Variants in TACC2 observed in about 807,000 individuals in gnomAD.
The protein encoded by TACC2 is transforming acidic coiled-coil-containing protein 2.
A neutral mutation model predicts 227.3 loss-of-function variants in TACC2; 137 were observed. The ratio of observed to expected loss-of-function variants is 0.60; its 90% confidence interval spans 0.52 to 0.69. The LOEUF (loss-of-function observed/expected upper bound fraction) is 0.69, where lower values mean the gene tolerates loss of function less well. Ranked by LOEUF, TACC2 falls within the 30% of genes least tolerant of loss-of-function variation. The probability of loss-of-function intolerance (pLI) is 0.00; values close to 1 mark genes in which losing one functional copy is unlikely to be tolerated. For synonymous variants in TACC2, 1,523 were observed against 1,487.5 expected (o/e 1.02, Z -0.55); for missense variants, 3,470 against 3,694.4 (o/e 0.94, Z 1.57).
chr10:122,105,922 C>T (rs994240537), intron 5 of TACC2, among the ~76,000 whole-genome samples: 3 of 149,680 alleles, frequency 2.0e-5, no homozygotes, highest in African/African-American at 7.4e-5. Context: ...TGCGCCTGGC[C>T]TGTCATAAAC....
chr10:122,015,238 C>T (rs1393696840), intron 1 of TACC2, among the ~76,000 whole-genome samples: 3 of 152,086 alleles, frequency 2.0e-5, no homozygotes, highest in South Asian at 4.1e-4. Context: ...GGCACGGTGG[C>T]TCATGCTTGT....
At chr10:122,075,496 C>A (rs1012885673) in intron 3 of TACC2, among the ~76,000 whole-genome samples, 1 of 152,194 alleles carries the variant, frequency 6.6e-6, no homozygotes, top group Non-Finnish European at 1.5e-5. Context: ...TATCACCACT[C>A]GGAGAAATCT....
At chr10:122,184,451 C>T (rs1257961380) in intron 7 of TACC2, among the ~76,000 whole-genome samples, 1 of 152,182 alleles carries the variant, frequency 6.6e-6, no homozygotes, top group African/African-American at 2.4e-5. Flanking sequence ...ATCCAGCTAA[C>T]CGGATCCCAG....
intron 1 of TACC2, chr10:122,019,862 A>C (rs560370807): frequency 1.2e-4 from 19 of 152,354 alleles, no homozygotes; most frequent in African/African-American, 4.3e-4. Context: ...GCAGCTTCCA[A>C]GTCCAGACCA....
At position 122,083,355 on chromosome 10, in the gene TACC2, C is replaced by T. The variant is rs1177423326; in HGVS notation, c.855C>T (p.Ala285=). The T allele has an allele frequency of 4.3e-6, 7 of 1,613,890 alleles. No individual in the cohort carries two copies. The African/African-American group carries it at 9.3e-5, about 22-fold the overall frequency. ...APIPQDPAPR[A]SDRERGQGEA... The stretch of plus-strand genomic sequence containing the variant: ...TCCCACAAGATCCAGCCCCAAGAGC[C>T]TCAGACAGAGAAAGAGGCCAAGGGG... The change falls in exon 4 of 23, where the codon GCC becomes GCT. Residue 285 remains alanine (A), a synonymous_variant. Coordinates refer to ENST00000369005, the MANE Select transcript of TACC2 (RefSeq NM_206862.4).
At chr10:122,188,056 G>T (rs1383082904) in intron 7 of TACC2, among the ~76,000 whole-genome samples, 3 of 151,948 alleles carry the variant, frequency 2.0e-5, no homozygotes, top group South Asian at 2.1e-4. Context: ...TCCCCATTCT[G>T]TTGAGTCTCA....
chr10:122,203,282 CAG>C (rs2094944498), intron 8 of TACC2, among the ~76,000 whole-genome samples: 1 of 140,932 alleles, frequency 7.1e-6, no homozygotes, highest in African/African-American at 3.0e-5. Flanking sequence ...GCTGGCCGGG[CAG>C]AGGGGCTCCT....
intron 3 of TACC2, among the ~76,000 whole-genome samples, chr10:122,075,604 G>A (rs1359920618): frequency 6.6e-6 from 1 of 152,038 alleles, no homozygotes; most frequent in African/African-American, 2.4e-5. Flanking sequence ...TAATTTGAGG[G>A]CCCAGGCAGG....
chr10:122,176,129 A>C (rs1421098450), intron 7 of TACC2, among the ~76,000 whole-genome samples: 120 of 136,076 alleles, frequency 8.8e-4, no homozygotes, highest in East Asian at 2.3e-3. Flanking sequence ...ATATATATAT[A>C]TATATATATA....
rs1188697625 is a variant in TACC2 at position 122,088,592 on chromosome 10, G to A, written c.5573+1G>A. ...CCAGAGGTGCGGAAGGAACAGAAAG[G>A]TCAGCGAAAGATATTGGTCTTTGGA... is the stretch of plus-strand genomic sequence containing the variant. On this transcript the variant is annotated splice_donor_variant, in intron 5 of 22. Transcript: ENST00000369005. LOFTEE classifies it high-confidence loss of function. The A allele has an allele frequency of 6.2e-7, 1 of 1,611,928 alleles. No homozygotes were observed. The highest frequency in any genetic ancestry group is 1.1e-5 in the South Asian group (1 of 90,460).
chr10:122,254,117 G>A lies in TACC2; in HGVS notation c.*61G>A, dbSNP rs772575740. ...GCAATATGACCGTCGGCACACTGCT[G>A]TTCCTCCAGTTCCATGGACAGGTTC... On this transcript the variant is annotated 3_prime_UTR_variant, in exon 23 of 23. Coordinates refer to ENST00000369005, the MANE Select transcript of TACC2 (RefSeq NM_206862.4). 3 of 1,319,978 alleles carry A rather than the reference G, an allele frequency of 2.3e-6. No individual in the cohort carries two copies. Among genetic ancestry groups the A allele is most frequent in the Admixed American group, 1.7e-5 (1 of 59,622 alleles). The allele number at this position is 1,319,978 out of a possible 1,614,324, so 81.8% of individuals were successfully genotyped here.
chr10:122,251,422 A>G (rs2096252847), intron 22 of TACC2, among the ~76,000 whole-genome samples: 1 of 152,162 alleles, frequency 6.6e-6, no homozygotes, highest in Non-Finnish European at 1.5e-5. Flanking sequence ...CTCACCCAGT[A>G]TTTATTGAGC....
At chr10:122,134,980 A>C (rs553650207) in intron 6 of TACC2, among the ~76,000 whole-genome samples, 1 of 152,288 alleles carries the variant, frequency 6.6e-6, no homozygotes, top group South Asian at 2.1e-4. Flanking sequence ...TTCCCTGGAC[A>C]CTTCCCATGC....
chr10:122,140,298 G>A (rs1225774458), intron 6 of TACC2, among the ~76,000 whole-genome samples: 3 of 152,248 alleles, frequency 2.0e-5, no homozygotes, highest in Non-Finnish European at 4.4e-5. Context: ...AGTCATGGCT[G>A]TCTGCTGAAA....
At chr10:122,066,994 A>G (rs1287843667) in intron 3 of TACC2, among the ~76,000 whole-genome samples, 6 of 152,166 alleles carry the variant, frequency 3.9e-5, no homozygotes, top group Non-Finnish European at 8.8e-5. Context: ...ACTTTGTTCT[A>G]TTTGGTCTTT....
chr10:122,228,514 C>T (rs1393335896), intron 14 of TACC2, among the ~76,000 whole-genome samples: 3 of 152,206 alleles, frequency 2.0e-5, no homozygotes, highest in East Asian at 1.9e-4. Context: ...GCACAGCACA[C>T]GTGTCACATG....
chr10:122,034,213 TG>T (rs1959456242), intron 2 of TACC2, among the ~76,000 whole-genome samples: 1 of 131,212 alleles, frequency 7.6e-6, no homozygotes, highest in Non-Finnish European at 1.6e-5. Flanking sequence ...AGGTGGGTGG[TG>T]CACTTGATGC....
chr10:122,216,617 C>G lies in TACC2; in HGVS notation c.7345-10C>G. On this transcript the variant is annotated splice_polypyrimidine_tract_variant and intron_variant, in intron 10 of 22. Transcript: ENST00000369005. The stretch of plus-strand genomic sequence containing the variant: ...GATGAGACAAGAAACAGTTTCTCTT[C>G]TCTTTGCAGGACCCCACCCCAGCTG... 6.2e-7 allele frequency: 1 copy of G among 1,612,034 alleles called. No homozygotes were observed. The highest frequency in any genetic ancestry group is 8.5e-7 in the Non-Finnish European group (1 of 1,178,982).
intron 4 of TACC2, among the ~76,000 whole-genome samples, 200 bp downstream of exon 4, chr10:122,088,159 G>A (rs2080295543): frequency 6.6e-6 from 1 of 152,148 alleles, no homozygotes; most frequent in South Asian, 2.1e-4. Flanking sequence ...TTGGAGGCTG[G>A]GAGCTGTTGA....
Sources: allele counts gnomAD v4.1 joint callset (sites outside exome capture counted in the v4.1 genomes callset), GRCh38; gene constraint gnomAD v4.1.1; transcripts MANE v1.5; gene names NCBI Gene and HGNC (gene_info 2026-07-23, HGNC 2026-07-21).